BRWD1: variants seen among roughly 807,000 people sequenced by gnomAD.
BRWD1 encodes the protein bromodomain and WD repeat-containing protein 1.
A neutral mutation model predicts 251.2 loss-of-function variants in BRWD1; 82 were observed. The ratio of observed to expected loss-of-function variants is 0.33; its 90% CI spans 0.27 to 0.39. BRWD1 has a LOEUF of 0.39. Ranked by LOEUF, BRWD1 falls within the 10% of genes least tolerant of loss-of-function variation. BRWD1 has a pLI of 1.00. For missense variants in BRWD1, 2,233 were observed against 2,711.6 expected (o/e 0.82, Z 3.92); for synonymous variants, 918 against 902.8 (o/e 1.02, Z -0.30).
chr21:39,314,397 C>T (rs574874453), upstream of BRWD1: 7 of 452,224 alleles, frequency 1.5e-5, no homozygotes, highest in Admixed American at 9.4e-5. Context: ...GCTGACGGCT[C>T]GGCTGGATCC....
intron 38 of BRWD1, 77 bp downstream of exon 38, chr21:39,202,248 C>T: frequency 2.9e-6 from 3 of 1,040,984 alleles, no homozygotes; most frequent in Non-Finnish European, 1.4e-6. Flanking sequence ...TTATATTTTC[C>T]TCTAAATCTC....
At chr21:39,277,499 G>A in intron 10 of BRWD1, 148 bp from the exon 11 acceptor site, 1 of 514,310 alleles carries the variant, frequency 1.9e-6, no homozygotes, top group Non-Finnish European at 3.2e-6. Flanking sequence ...TCACTATATA[G>A]AGGTTATAAA....
rs189539653 is a variant in BRWD1, at chr21:39,222,724, T to C, written c.3382+1684A>G. On this transcript the variant is annotated intron_variant, in intron 29 of 40. Transcript: ENST00000342449. The stretch of plus-strand genomic sequence containing the variant: ...GACAATGAAAACAAAAAATCATTAT[T>C]TGAGGCAAGAATTATCAACGGATGC... Among the ~76,000 whole-genome samples, 330 of 152,304 alleles carry C rather than the reference T, an allele frequency of 2.2e-3. 1 individual carries two copies. The highest frequency in any genetic ancestry group is 4.0e-3 in the Non-Finnish European group (271 of 68,026).
intron 16 of BRWD1, 77 bp from the exon 17 acceptor site, chr21:39,264,762 A>C (rs1408579216): frequency 1.3e-6 from 2 of 1,490,006 alleles, no homozygotes; most frequent in Non-Finnish European, 1.8e-6. Context: ...ACAGTTAATT[A>C]AAACTAGAAA....
At chr21:39,249,671 C>G (rs147504600) in intron 20 of BRWD1, among the ~76,000 whole-genome samples, 44 of 152,280 alleles carry the variant, frequency 2.9e-4, no homozygotes, top group Non-Finnish European at 3.8e-4. Flanking sequence ...AGAATTTCAA[C>G]ATTATCACTG....
At position 39,188,439 on chromosome 21, in the gene BRWD1, A is replaced by C; in HGVS notation, c.*7820T>G. The C allele has an allele frequency of 1.0e-6, 1 of 985,324 alleles. No homozygotes were observed. The highest frequency in any genetic ancestry group is 1.2e-6 in the Non-Finnish European group (1 of 829,828). The allele number at this position is 985,324 out of a possible 1,614,324, so 61.0% of individuals were successfully genotyped here. Reference sequence around the variant, plus strand: ...ACTCCACCACATTCTTTTTACTACTAAGTACTAGAAAATGAGAGCTCTTTT... The same window carrying C: ...ACTCCACCACATTCTTTTTACTACTCAGTACTAGAAAATGAGAGCTCTTTT... On this transcript the variant is annotated 3_prime_UTR_variant, in exon 41 of 41. Coordinates refer to ENST00000342449, the MANE Select transcript of BRWD1 (RefSeq NM_033656.4).
chr21:39,283,119 T>C (rs907821535), intron 8 of BRWD1, among the ~76,000 whole-genome samples: 3 of 152,208 alleles, frequency 2.0e-5, no homozygotes, highest in African/African-American at 7.2e-5. Context: ...TACTGTTTTC[T>C]TTATAACAGC....
At chr21:39,231,660 A>C (rs1346176189) in intron 25 of BRWD1, among the ~76,000 whole-genome samples, 1 of 152,180 alleles carries the variant, frequency 6.6e-6, no homozygotes, top group Non-Finnish European at 1.5e-5. Context: ...CACTTCACAC[A>C]CCCCACCAGC....
chr21:39,300,224 A>G lies in BRWD1; in HGVS notation c.199-1642T>C, dbSNP rs1213121448. On this transcript the variant is annotated intron_variant, in intron 4 of 40. Transcript: ENST00000342449. ...CCAACTGCATAGGGCCCAAACACTAAAGCCAGGGCAGCCCTGGAAGAAATG... is the reference window on the plus strand; with the variant it reads ...CCAACTGCATAGGGCCCAAACACTAGAGCCAGGGCAGCCCTGGAAGAAATG... Among the ~76,000 whole-genome samples the G allele has an allele frequency of 7.2e-5, 11 of 152,204 alleles. No homozygotes were observed. The South Asian group carries it at 2.3e-3, about 32-fold the overall frequency.
At chr21:39,281,992 GTATA>G (rs773723360) in intron 8 of BRWD1, among the ~76,000 whole-genome samples, 2 of 151,074 alleles carry the variant, frequency 1.3e-5, no homozygotes, top group Admixed American at 6.6e-5. Context: ...ATATAAATAT[GTATA>G]TATACACATA....
chr21:39,280,524 CAG>C (rs374726305), intron 8 of BRWD1, among the ~76,000 whole-genome samples: 3 of 151,888 alleles, frequency 2.0e-5, no homozygotes, highest in African/African-American at 7.3e-5. Context: ...AAGCATATCA[CAG>C]AGTGTTAATA....
intron 21 of BRWD1, among the ~76,000 whole-genome samples, chr21:39,239,080 A>T (rs1019268813): frequency 6.6e-6 from 1 of 152,174 alleles, no homozygotes; most frequent in Non-Finnish European, 1.5e-5. Context: ...TATTGTGAAT[A>T]TAAGTCATTT....
intron 40 of BRWD1, 74 bp downstream of exon 40, chr21:39,198,689 G>T: frequency 1.5e-6 from 2 of 1,368,984 alleles, no homozygotes; most frequent in East Asian, 2.4e-5. Context: ...TTTTCGGGGG[G>T]AAAAAACCAA....
In BRWD1 at chr21:39,202,502, G is replaced by A. The variant is rs1480940507; in HGVS notation, c.4408C>T (p.Pro1470Ser). 1.2e-6 allele frequency: 2 copies of A among 1,613,452 alleles called. No homozygotes were observed. The highest frequency in any genetic ancestry group is 2.2e-5 in the South Asian group (2 of 91,054). ...TGGGTAGGAGAACCTACCAACTCAG[G>A]AATTATTTTTGTCTGAGATTTTAAC... ...KRLKSQTKII[P>S]ELVGSPTQST... Residue 1470 changes from proline to serine, a missense_variant, in exon 38 of 41, where the codon CCT (proline) becomes TCT (serine). Physicochemically the swap from Pro to Ser is moderately conservative, Grantham distance 74 (BLOSUM62 -1). Coordinates refer to ENST00000342449, the MANE Select transcript of BRWD1 (RefSeq NM_033656.4).
intron 30 of BRWD1, 49 bp downstream of exon 30, chr21:39,218,456 G>T: frequency 6.7e-7 from 1 of 1,494,406 alleles, no homozygotes; most frequent in Non-Finnish European, 9.0e-7. Context: ...ATACCTTTAT[G>T]AAAAAAATTG....
intron 19 of BRWD1, among the ~76,000 whole-genome samples, chr21:39,253,455 A>G (rs185711244): frequency 2.1e-3 from 313 of 152,198 alleles, no homozygotes; most frequent in Non-Finnish European, 3.8e-3. Flanking sequence ...TAAGAAACTA[A>G]TTTTTCAGGT....
chr21:39,243,625 T>C (rs548773820), intron 21 of BRWD1, among the ~76,000 whole-genome samples: 2 of 152,186 alleles, frequency 1.3e-5, no homozygotes, highest in East Asian at 1.9e-4. Context: ...TTTTTTCTCA[T>C]TTTTTTGTGG....
intron 37 of BRWD1, among the ~76,000 whole-genome samples, chr21:39,203,434 G>GTTTTTTT (rs2032210759): frequency 3.1e-5 from 2 of 64,290 alleles, no homozygotes; most frequent in African/African-American, 4.8e-5. Flanking sequence ...GCAAGACCCT[G>GTTTTTTT]GTTCTTTTTT....
chr21:39,278,698 G>GT, intron 10 of BRWD1, 45 bp downstream of exon 10: 1 of 1,422,864 alleles, frequency 7.0e-7, no homozygotes, highest in Non-Finnish European at 9.5e-7. Context: ...TTTAATAGAT[G>GT]TTTAAAAAAA....
Sources: allele counts gnomAD v4.1 joint callset (sites outside exome capture counted in the v4.1 genomes callset), GRCh38; gene constraint gnomAD v4.1.1; transcripts MANE v1.5; gene names NCBI Gene and HGNC (gene_info 2026-07-23, HGNC 2026-07-21).